Variants in PIK3R3 observed in about 807,000 individuals in gnomAD.
PIK3R3 encodes phosphoinositide-3-kinase regulatory subunit 3, also known as phosphatidylinositol 3-kinase regulatory subunit gamma.
In PIK3R3, 64 loss-of-function variants were observed where a neutral mutation model predicts 62.9. That is an observed-to-expected ratio of 1.02 (90% confidence interval 0.83 to 1.25). The LOEUF is 1.25. PIK3R3 is among the 50% of genes most tolerant of loss of function. The pLI, the probability that PIK3R3 is intolerant of heterozygous loss-of-function variation, is 0.00. For synonymous variants in PIK3R3, 165 were observed against 189.0 expected (o/e 0.87, Z 1.04); for missense variants, 614 against 561.6 (o/e 1.09, Z -0.94).
At chr1:46,050,989 G>C (rs1012916472) in intron 7 of PIK3R3, among the ~76,000 whole-genome samples, 5 of 152,148 alleles carry the variant, frequency 3.3e-5, no homozygotes, top group African/African-American at 1.2e-4. Flanking sequence ...GAAATGTCCA[G>C]AATAGACAAA....
In PIK3R3 at chr1:46,067,076, A is replaced by G. The variant is rs770193241; in HGVS notation, c.330T>C (p.Asn110=). ...CCCGGTGATAGATCTTTATTAACTT[A>G]TTATTGCCTCCCTTCCTGTGAACAA... ...YTLTLRKGGN[N]KLIKIYHRDG... is the part of the protein sequence containing the mutation. The change falls in exon 4 of 10, where the codon AAT becomes AAC. Residue 110 remains asparagine (N), a synonymous_variant. Transcript: ENST00000262741. The G allele has an allele frequency of 9.5e-6, 15 of 1,571,500 alleles. No individual in the cohort carries two copies. The highest frequency in any genetic ancestry group is 1.3e-5 in the Non-Finnish European group (15 of 1,161,162).
At position 46,044,120 on chromosome 1, in the gene PIK3R3, AG is replaced by A. The variant is rs1557546040; in HGVS notation, c.1188-250del. Among the ~76,000 whole-genome samples, 1 of 151,708 alleles carries A rather than the reference AG, an allele frequency of 6.6e-6. No individual in the cohort carries two copies. The highest frequency in any genetic ancestry group is 2.4e-5 in the African/African-American group (1 of 41,248). On this transcript the variant is annotated intron_variant, in intron 9 of 9. Transcript: ENST00000262741. This position sits in a 1 kb window ranked among gnomAD's most constrained non-coding sequence, Gnocchi z 4.2. ...AGACAGGGTCTCGCTCTATCACGAA[AG>A]CTAGGGTACAGTGGCTTGATTACAG... is the stretch of plus-strand genomic sequence containing the variant.
intron 1 of PIK3R3, among the ~76,000 whole-genome samples, chr1:46,098,912 A>C (rs1488023777): frequency 6.6e-6 from 1 of 151,968 alleles, no homozygotes; most frequent in Admixed American, 6.6e-5. Flanking sequence ...AAATTGCCCA[A>C]GCTGGTCTTG....
intron 6 of PIK3R3, among the ~76,000 whole-genome samples, chr1:46,061,494 AC>A (rs1648477651): frequency 6.6e-6 from 1 of 152,182 alleles, no homozygotes; most frequent in African/African-American, 2.4e-5. Flanking sequence ...TTCGATGAGC[AC>A]CCATTATGTA....
chr1:46,076,958 ATTAT>A (rs1471344657), intron 3 of PIK3R3, among the ~76,000 whole-genome samples: 1 of 152,118 alleles, frequency 6.6e-6, no homozygotes, highest in Non-Finnish European at 1.5e-5. Context: ...GGCTACTTTA[ATTAT>A]TAAAATTAAA....
At chr1:46,062,802 C>T (rs187912068) in intron 5 of PIK3R3, among the ~76,000 whole-genome samples, 6 of 151,934 alleles carry the variant, frequency 3.9e-5, no homozygotes, top group East Asian at 1.9e-4. Context: ...GTTTCGGTTT[C>T]GGTTTCAGTT....
chr1:46,051,954 A>C (rs1647391360), intron 7 of PIK3R3, among the ~76,000 whole-genome samples: 1 of 152,010 alleles, frequency 6.6e-6, no homozygotes, highest in African/African-American at 2.4e-5. Flanking sequence ...TGGCTAACAC[A>C]GTGAAACCCC....
At chr1:46,104,819 C>G (rs1292775297) in intron 1 of PIK3R3, 2 of 371,500 alleles carry the variant, frequency 5.4e-6, no homozygotes, top group Non-Finnish European at 9.8e-6. Flanking sequence ...GTAATCCCAG[C>G]TACTCAGGAA....
chr1:46,081,430 A>G (rs988471966), intron 1 of PIK3R3, among the ~76,000 whole-genome samples: 20 of 152,206 alleles, frequency 1.3e-4, no homozygotes, highest in Non-Finnish European at 4.4e-5. Context: ...AGCAGTGGGC[A>G]AGTGAACATT....
At position 46,061,930 on chromosome 1, in the gene PIK3R3, G is replaced by C. The variant is rs200494889; in HGVS notation, c.763C>G (p.Arg255Gly). Residue 255 changes from arginine (R) to glycine (G), a missense_variant and splice_region_variant, in exon 6 of 10, where the codon CGA becomes GGA. Physicochemically the swap from Arg to Gly is moderately radical, Grantham distance 125. Coordinates refer to ENST00000262741, the MANE Select transcript of PIK3R3 (RefSeq NM_003629.4). ...CTTGGAGGTACTAAGTAGACTTACC[G>C]TTCAATCTCCTTTTCATTCCCCTCT... Reference protein sequence around the residue: ...RREGNEKEIERIMMNYDKLKS... With the variant: ...RREGNEKEIEGIMMNYDKLKS... The C allele has an allele frequency of 1.2e-6, 2 of 1,612,368 alleles. No homozygotes were observed. The highest frequency in any genetic ancestry group is 8.5e-7 in the Non-Finnish European group (1 of 1,178,750).
intron 6 of PIK3R3, among the ~76,000 whole-genome samples, chr1:46,059,826 G>A (rs776844396): frequency 9.9e-5 from 15 of 151,832 alleles, no homozygotes; most frequent in South Asian, 4.2e-4. Flanking sequence ...TAGGCTGGGC[G>A]CGGTGGCTCA....
intron 1 of PIK3R3, among the ~76,000 whole-genome samples, chr1:46,126,366 C>T (rs1364168853): frequency 2.0e-5 from 3 of 151,428 alleles, no homozygotes; most frequent in Non-Finnish European, 4.4e-5. Context: ...GATAAAACCC[C>T]GTCTCTACTA....
At chr1:46,174,762 C>T in the PIK3R3 span, among the ~76,000 whole-genome samples, 1 of 152,204 alleles carries the variant, frequency 6.6e-6, no homozygotes, top group African/African-American at 2.4e-5. Context: ...ACCCTCCCTA[C>T]TTTCTGGGCT....
intron 1 of PIK3R3, among the ~76,000 whole-genome samples, chr1:46,110,276 T>C (rs899501107): frequency 0.061 from 1,013 of 16,716 alleles, 15 homozygotes; most frequent in African/African-American, 0.14. Flanking sequence ...CAGGCTTGGC[T>C]TTTTTTTTTT....
intron 2 of PIK3R3, among the ~76,000 whole-genome samples, chr1:46,080,264 G>C (rs1180757860): frequency 1.3e-5 from 2 of 151,406 alleles, no homozygotes; most frequent in Non-Finnish European, 2.9e-5. Context: ...GTTTCACTGT[G>C]TTGCCCAGGC....
In PIK3R3 at chr1:46,062,089, A is replaced by C. The variant is rs1270307548; in HGVS notation, c.622-18T>G. On this transcript the variant is annotated intron_variant, in intron 5 of 9. Transcript: ENST00000262741. ...TGTATTTCCTACAGGAGAGAAAAAG[A>C]AAAAACACAGGCTTCATTATCTTTA... 1 of 1,573,952 alleles carries C rather than the reference A, an allele frequency of 6.4e-7. No individual in the cohort carries two copies. The highest frequency in any genetic ancestry group is 8.6e-7 in the Non-Finnish European group (1 of 1,168,140).
At chr1:46,087,001 C>T (rs548842730) in intron 1 of PIK3R3, among the ~76,000 whole-genome samples, 2 of 152,170 alleles carry the variant, frequency 1.3e-5, no homozygotes, top group Admixed American at 1.3e-4. Context: ...TCATTCTGAG[C>T]GAACTATCGC....
At chr1:46,095,141 A>G (rs1224883001) in intron 1 of PIK3R3, among the ~76,000 whole-genome samples, 1 of 152,226 alleles carries the variant, frequency 6.6e-6, no homozygotes, top group Non-Finnish European at 1.5e-5. Flanking sequence ...TATATACCAA[A>G]AAGAATATAA....
At chr1:46,163,137 G>A in the PIK3R3 span, among the ~76,000 whole-genome samples, 3 of 152,266 alleles carry the variant, frequency 2.0e-5, no homozygotes, top group South Asian at 6.2e-4. Flanking sequence ...GACAGATGAA[G>A]GTTAGCGACA....
Sources: gnomAD v4.1 joint callset for allele counts (sites outside exome capture counted in the v4.1 genomes callset) on GRCh38, gnomAD v4.1.1 for gene constraint, Gnocchi (gnomAD v3.1) non-coding constraint, MANE v1.5 for transcripts, NCBI Gene and HGNC (gene_info 2026-07-23, HGNC 2026-07-21) for gene names.